The following AHRR variants were observed in gnomAD, a reference collection of about 807,000 sequenced individuals.
The protein encoded by AHRR is aryl hydrocarbon receptor repressor, also known as ahR repressor.
In AHRR, 28 loss-of-function variants were observed where a neutral mutation model predicts 44.0. The ratio of observed to expected loss-of-function variants is 0.64; its 90% CI spans 0.47 to 0.87. The LOEUF (loss-of-function observed/expected upper bound fraction) is 0.87. Ranked by LOEUF, AHRR falls within the 40% of genes least tolerant of loss-of-function variation. The pLI, the probability that AHRR is intolerant of heterozygous loss-of-function variation, is 0.00. For synonymous variants in AHRR, 434 were observed against 407.0 expected (o/e 1.07, Z -0.80); for missense variants, 990 against 953.9 (o/e 1.04, Z -0.50).
At chr5:341,565 C>A (rs1172747440) in intron 1 of AHRR, among the ~76,000 whole-genome samples, 1 of 136,034 alleles carries the variant, frequency 7.4e-6, no homozygotes, top group East Asian at 2.3e-4. Flanking sequence ...CTCACTCTGT[C>A]GCCCAGGCTG....
At chr5:349,626 T>C (rs931708595) in intron 2 of AHRR, among the ~76,000 whole-genome samples, 1 of 152,106 alleles carries the variant, frequency 6.6e-6, no homozygotes, top group Admixed American at 6.5e-5. Flanking sequence ...AGAAAACCTT[T>C]TGATGAAGAC....
intron 1 of AHRR, among the ~76,000 whole-genome samples, chr5:333,716 GTTTC>G (rs113469669): frequency 0.052 from 7,875 of 152,182 alleles, 281 homozygotes; most frequent in African/African-American, 0.068. Context: ...TAAGTTATTT[GTTTC>G]TTTCTTTTCC....
chr5:397,154 G>C (rs1734753023), intron 4 of AHRR, among the ~76,000 whole-genome samples: 1 of 115,270 alleles, frequency 8.7e-6, no homozygotes, highest in Non-Finnish European at 1.8e-5. Flanking sequence ...GTTAGCCCCT[G>C]ACCATCCACG....
rs537357223 is a variant in AHRR at position 428,734 on chromosome 5, C to T, written c.908+728C>T. ...GCATAATGTAGAACCAGTGGTAGCT[C>T]TGAGCTTGTTTTCCTGTAACTAGGC... On this transcript the variant is annotated intron_variant, in intron 8 of 10. Coordinates refer to ENST00000684583, the MANE Select transcript of AHRR (RefSeq NM_001377236.1). Among the ~76,000 whole-genome samples the T allele has an allele frequency of 3.9e-5, 6 of 152,328 alleles. No individual in the cohort carries two copies. The South Asian group carries it at 1.2e-3, about 32-fold the overall frequency.
Position 387,151 on chromosome 5 carries a change from T to C in AHRR, c.351+10435T>C, listed in dbSNP as rs1734199959. On this transcript the variant is annotated intron_variant, in intron 4 of 10. Transcript: ENST00000684583. This position sits in a 1 kb window ranked among gnomAD's most constrained non-coding sequence, Gnocchi z 5.1. ...GTGCAGCTCAAAGTGCTTTACGCTG[T>C]GTCTCTGGTGTGTTCCACACCTGCA... 6.6e-6 allele frequency among the ~76,000 whole-genome samples: 1 copy of C among 152,224 alleles called. No individual in the cohort carries two copies. The highest frequency in any genetic ancestry group is 6.5e-5 in the Admixed American group (1 of 15,280).
At position 434,381 on chromosome 5, in the gene AHRR, C is replaced by T; in HGVS notation, c.1641C>T (p.Gly547=). 6.2e-7 allele frequency: 1 copy of T among 1,613,568 alleles called. No individual in the cohort carries two copies. Among genetic ancestry groups the T allele is most frequent in the Non-Finnish European group, 8.5e-7 (1 of 1,179,978 alleles). The change falls in exon 11 of 11, where the codon GGC becomes GGT. Residue 547 remains glycine (G), a synonymous_variant. Transcript: ENST00000684583. The stretch of plus-strand genomic sequence containing the variant: ...CTGGGTGTGAGGGTGCTGCAGACGG[C>T]TGTGTGCCCAGCCAGGTGTGGCTGG... ...KDSGCEGAAD[G]CVPSQVWLGA... is the part of the protein sequence containing the mutation.
rs1437937252 is a variant in AHRR at position 435,426 on chromosome 5, C to T, written c.*592C>T. 6.5e-6 allele frequency: 1 copy of T among 153,994 alleles called. No individual in the cohort carries two copies. Among genetic ancestry groups the T allele is most frequent in the South Asian group, 2.0e-4 (1 of 4,906 alleles). 9.5% of individuals were successfully genotyped at this position (153,994 alleles called of 1,614,324 possible). A position where few individuals can be genotyped will look rare whatever the true frequency, so the allele number is the denominator to read the frequency against. Reference sequence around the variant, plus strand: ...GCGGAGAAAGGGGTCCGTGAGCCCACTCATAGAGGAATCTAGAACGTTCCA... The same window carrying T: ...GCGGAGAAAGGGGTCCGTGAGCCCATTCATAGAGGAATCTAGAACGTTCCA... On this transcript the variant is annotated 3_prime_UTR_variant, in exon 11 of 11. Coordinates refer to ENST00000684583, the MANE Select transcript of AHRR (RefSeq NM_001377236.1).
intron 3 of AHRR, among the ~76,000 whole-genome samples, chr5:369,330 G>A (rs1301103779): frequency 6.6e-6 from 1 of 152,198 alleles, no homozygotes; most frequent in Non-Finnish European, 1.5e-5. Flanking sequence ...GGTACCAGCT[G>A]TTTTCTGGGA....
intron 1 of AHRR, among the ~76,000 whole-genome samples, chr5:334,292 C>T (rs1742042428): frequency 6.6e-6 from 1 of 152,102 alleles, no homozygotes; most frequent in East Asian, 1.9e-4. Context: ...TATATTCCTT[C>T]ATTAAATAGG....
chr5:333,525 G>A (rs981410164), intron 1 of AHRR, among the ~76,000 whole-genome samples: 5 of 152,160 alleles, frequency 3.3e-5, no homozygotes, highest in African/African-American at 4.8e-5. Flanking sequence ...GAACCTGGGA[G>A]GCGGAGGTTG....
chr5:351,779 A>G (rs1220987489), intron 2 of AHRR, among the ~76,000 whole-genome samples: 1 of 152,260 alleles, frequency 6.6e-6, no homozygotes, highest in Non-Finnish European at 1.5e-5. Context: ...TGGCGCTGTC[A>G]GGCTGCTCTG....
chr5:367,172 G>T (rs1174752783), intron 3 of AHRR, among the ~76,000 whole-genome samples: 8 of 152,164 alleles, frequency 5.3e-5, no homozygotes, highest in African/African-American at 1.9e-4. Flanking sequence ...GTGAGTCCCT[G>T]GGGGGTCGCC....
intron 5 of AHRR, among the ~76,000 whole-genome samples, chr5:415,360 AGTCTCCCTGGTCGGGTGGG>A (rs1560915740): frequency 4.6e-4 from 65 of 140,052 alleles, no homozygotes; most frequent in Admixed American, 1.2e-3. Flanking sequence ...CTAGGGGCCG[AGTCTCCCTGGTCGGGTGGG>A]AGGCCTAGGG....
intron 10 of AHRR, among the ~76,000 whole-genome samples, chr5:433,551 G>A (rs547068069): frequency 6.6e-6 from 1 of 152,328 alleles, no homozygotes; most frequent in African/African-American, 2.4e-5. Context: ...GCTAGTGACT[G>A]GTGTGGCTGA....
chr5:340,688 A>ATATATTTTTT (rs1269938749), intron 1 of AHRR, among the ~76,000 whole-genome samples: 2 of 12,928 alleles, frequency 1.5e-4, no homozygotes, highest in African/African-American at 4.0e-4. Context: ...ATATATATAT[A>ATATATTTTTT]TTTTTTTTTT....
intron 3 of AHRR, among the ~76,000 whole-genome samples, chr5:364,642 G>A (rs939224813): frequency 2.0e-5 from 3 of 151,364 alleles, no homozygotes; most frequent in African/African-American, 4.9e-5. Flanking sequence ...CAAAAGAGGT[G>A]GAACAAAAGT....
At chr5:390,513 G>A (rs1325039730) in intron 4 of AHRR, among the ~76,000 whole-genome samples, 4 of 152,278 alleles carry the variant, frequency 2.6e-5, no homozygotes, top group South Asian at 2.1e-4. Context: ...TAACGATCCC[G>A]GAGAAGCATT....
Position 436,560 on chromosome 5 carries a change from CA to C in AHRR, c.*1728del, listed in dbSNP as rs1737083537. 1 of 152,386 alleles carries C rather than the reference CA, an allele frequency of 6.6e-6. No homozygotes were observed. Among genetic ancestry groups the C allele is most frequent in the African/African-American group, 2.4e-5 (1 of 41,438 alleles). 9.4% of individuals were successfully genotyped at this position (152,386 alleles called of 1,614,324 possible). Reference sequence around the variant, plus strand: ...CCTCTCAGTACTGGAAGAGAACAGCCAACCATCTGAGCCCAGAGTCACAGAT... The same window carrying C: ...CCTCTCAGTACTGGAAGAGAACAGCCACCATCTGAGCCCAGAGTCACAGAT... On this transcript the variant is annotated 3_prime_UTR_variant, in exon 11 of 11. Coordinates refer to ENST00000684583, the MANE Select transcript of AHRR (RefSeq NM_001377236.1).
chr5:344,090 C>CGGGGCT (rs1742473717), intron 2 of AHRR, 126 bp downstream of exon 2: 7 of 1,034,716 alleles, frequency 6.8e-6, no homozygotes, highest in Non-Finnish European at 9.6e-6. Flanking sequence ...CCGGGCGGGC[C>CGGGGCT]GGGGCTGAGC....
Sources: gnomAD v4.1 joint callset for allele counts (sites outside exome capture counted in the v4.1 genomes callset) on GRCh38, gnomAD v4.1.1 for gene constraint, Gnocchi (gnomAD v3.1) non-coding constraint, MANE v1.5 for transcripts, NCBI Gene and HGNC (gene_info 2026-07-23, HGNC 2026-07-21) for gene names.